SLC4A5: variants seen among roughly 807,000 people sequenced by gnomAD.
SLC4A5 encodes the protein electrogenic sodium bicarbonate cotransporter 4.
In SLC4A5, 96 loss-of-function variants were observed where a neutral mutation model predicts 120.4. That is an observed-to-expected ratio of 0.80 (90% CI 0.68 to 0.94). The LOEUF (loss-of-function observed/expected upper bound fraction) is 0.94. Ranked by LOEUF, SLC4A5 falls within the 40% of genes least tolerant of loss-of-function variation. SLC4A5 has a pLI of 0.00. For missense variants in SLC4A5, 1,259 were observed against 1,459.5 expected, an observed-to-expected ratio of 0.86 and a Z score of 2.24; for synonymous variants, 550 against 571.1, an observed-to-expected ratio of 0.96 and a Z score of 0.53.
intron 7 of SLC4A5, among the ~76,000 whole-genome samples, chr2:74,292,037 T>C (rs1211058177): frequency 6.6e-6 from 1 of 152,198 alleles, no homozygotes; most frequent in Non-Finnish European, 1.5e-5. Flanking sequence ...CTGCTATTAC[T>C]AGCAGTAGGA....
intron 5 of SLC4A5, among the ~76,000 whole-genome samples, chr2:74,324,435 A>G (rs1234831977): frequency 1.3e-5 from 2 of 152,166 alleles, no homozygotes; most frequent in Non-Finnish European, 2.9e-5. Flanking sequence ...TTGTTAAAAT[A>G]GATTGCTGGG....
chr2:74,232,407 G>C, intron 24 of SLC4A5, 62 bp downstream of exon 24: 1 of 1,564,058 alleles, frequency 6.4e-7, no homozygotes, highest in African/African-American at 1.4e-5. Context: ...GGCAAAGCCA[G>C]CTTCTCCTCC....
intron 18 of SLC4A5, among the ~76,000 whole-genome samples, chr2:74,247,674 C>T (rs189462652): frequency 1.3e-5 from 2 of 152,158 alleles, no homozygotes; most frequent in Non-Finnish European, 2.9e-5. Flanking sequence ...GCCGCCACGC[C>T]TGGCTGATTT....
intron 8 of SLC4A5, among the ~76,000 whole-genome samples, chr2:74,279,123 C>T (rs753731482): frequency 3.3e-5 from 5 of 152,228 alleles, no homozygotes; most frequent in Non-Finnish European, 2.9e-5. Context: ...GCTCAGACTT[C>T]GCTGACCCTC....
intron 8 of SLC4A5, among the ~76,000 whole-genome samples, chr2:74,265,630 G>A (rs1024658119): frequency 2.6e-5 from 4 of 152,176 alleles, no homozygotes; most frequent in Non-Finnish European, 5.9e-5. Context: ...GAACAATAAA[G>A]CTGTTTTTTT....
intron 20 of SLC4A5, 88 bp downstream of exon 20, chr2:74,241,906 C>T: frequency 8.0e-7 from 1 of 1,249,456 alleles, no homozygotes; most frequent in Non-Finnish European, 1.1e-6. Context: ...TCTGGGAGGC[C>T]ATAAGTTGGT....
At chr2:74,275,262 A>C (rs1383743596) in intron 8 of SLC4A5, among the ~76,000 whole-genome samples, 1 of 152,186 alleles carries the variant, frequency 6.6e-6, no homozygotes, top group Non-Finnish European at 1.5e-5. Flanking sequence ...CATTTGGTGA[A>C]GGGTCCATCC....
intron 6 of SLC4A5, among the ~76,000 whole-genome samples, chr2:74,311,590 C>T (rs375520450): frequency 1.1e-3 from 168 of 152,224 alleles, no homozygotes; most frequent in Middle Eastern, 6.8e-3. Flanking sequence ...ATTGTTTAAT[C>T]TCTAAATATG....
At chr2:74,247,241 A>G in exon 19 of SLC4A5, 2 of 1,614,178 alleles carry the variant, frequency 1.2e-6, no homozygotes, top group Non-Finnish European at 1.7e-6. Flanking sequence ...CCACTAGGAT[A>G]AGGCACTGGA....
chr2:74,242,039 C>G, exon 20 of SLC4A5: 1 of 1,606,500 alleles, frequency 6.2e-7, no homozygotes, highest in East Asian at 2.2e-5. Context: ...AAGCATTGAA[C>G]ACGGTTGTAT....
rs1322936461 is a variant in SLC4A5 at position 74,312,241 on chromosome 2, A to ATGTGTG, written c.79+2703_79+2704insCACACA. ...TCTATATCTCTATATGTGTGTGTGT[A>ATGTGTG]TATGTGTGTGTGTGTGTGTGTGTGT... On this transcript the variant is annotated intron_variant, in intron 6 of 30. Coordinates refer to ENST00000394019, the Ensembl canonical transcript of SLC4A5. Among the ~76,000 whole-genome samples, 214 of 140,038 alleles carry ATGTGTG rather than the reference A, an allele frequency of 1.5e-3. 2 individuals are homozygous for ATGTGTG. The highest frequency in any genetic ancestry group is 5.2e-3 in the African/African-American group (203 of 38,864). The allele number at this position is 140,038 out of a possible 152,430, so 91.9% of individuals were successfully genotyped here.
intron 15 of SLC4A5, 114 bp from the exon 16 acceptor site, chr2:74,252,502 A>ACCG: frequency 1.6e-6 from 2 of 1,270,484 alleles, no homozygotes; most frequent in Non-Finnish European, 2.2e-6. Context: ...ATTGTCTAAC[A>ACCG]ATATCCACAC....
chr2:74,217,851 T>G (rs1331933967), exon 31 of SLC4A5: 1 of 152,266 alleles, frequency 6.6e-6, no homozygotes, highest in Non-Finnish European at 1.5e-5. Flanking sequence ...TTGCCTAGGC[T>G]GGAGTGCAGT....
chr2:74,247,059 C>T (rs755000914), exon 19 of SLC4A5: 39 of 1,614,122 alleles, frequency 2.4e-5, no homozygotes, highest in Non-Finnish European at 3.3e-5. Flanking sequence ...GACACACTCG[C>T]ACTTGTAGGT....
intron 19 of SLC4A5, among the ~76,000 whole-genome samples, chr2:74,243,349 C>T (rs1670507410): frequency 6.6e-6 from 1 of 152,216 alleles, no homozygotes; most frequent in African/African-American, 2.4e-5. Context: ...GCCTGCTGCC[C>T]TCTCTCTTCT....
chr2:74,277,961 T>C (rs570520333), intron 8 of SLC4A5, among the ~76,000 whole-genome samples: 40 of 151,930 alleles, frequency 2.6e-4, no homozygotes, highest in African/African-American at 8.7e-4. Context: ...GTGGTGGAGA[T>C]AGATAAATAT....
intron 7 of SLC4A5, among the ~76,000 whole-genome samples, chr2:74,286,385 C>A (rs1157457704): frequency 1.3e-5 from 2 of 152,226 alleles, no homozygotes; most frequent in African/African-American, 4.8e-5. Flanking sequence ...GGCAAGATGG[C>A]AGTCCATTTC....
intron 24 of SLC4A5, among the ~76,000 whole-genome samples, 177 bp downstream of exon 24, chr2:74,232,292 G>A (rs1670115086): frequency 6.6e-6 from 1 of 152,150 alleles, no homozygotes; most frequent in Non-Finnish European, 1.5e-5. Context: ...CTTAGAGCTG[G>A]ACTTCTGTCT....
At chr2:74,262,345 C>G (rs1671165804) in intron 10 of SLC4A5, 113 bp from the exon 11 acceptor site, 1 of 628,902 alleles carries the variant, frequency 1.6e-6, no homozygotes, top group African/African-American at 1.9e-5. Flanking sequence ...ATGTCTCTTC[C>G]CCTTCTGGGA....
Sources: gnomAD v4.1 joint callset for allele counts (sites outside exome capture counted in the v4.1 genomes callset) on GRCh38, gnomAD v4.1.1 for gene constraint, MANE v1.5 for transcripts, NCBI Gene and HGNC (gene_info 2026-07-23, HGNC 2026-07-21) for gene names.